Variants in CCND3 observed in about 807,000 individuals in gnomAD.
CCND3 encodes the protein cyclin D3.
In CCND3, 9 loss-of-function variants were observed where a neutral mutation model predicts 28.7. The observed-to-expected ratio is 0.31, with a 90% CI of 0.19 to 0.55. CCND3 has a LOEUF of 0.55. Among genes scored for constraint, CCND3 ranks in the 20% least tolerant of loss-of-function variants. The pLI is 0.93. For synonymous variants in CCND3, 164 were observed against 163.9 expected, an observed-to-expected ratio of 1.00 and a Z score of 0.00; for missense variants, 315 against 385.8, an observed-to-expected ratio of 0.82 and a Z score of 1.54.
At chr6:41,955,366 G>A (rs914661488) in intron 1 of CCND3, among the ~76,000 whole-genome samples, 1 of 151,950 alleles carries the variant, frequency 6.6e-6, no homozygotes, top group Non-Finnish European at 1.5e-5. Flanking sequence ...TAAGTTGACT[G>A]TATACCAAAG....
chr6:42,018,143 C>T (rs571665069), intron 1 of CCND3, among the ~76,000 whole-genome samples: 18 of 151,900 alleles, frequency 1.2e-4, no homozygotes, highest in East Asian at 3.9e-4. Context: ...AATGAGACTC[C>T]GTCTCTAAAT....
chr6:41,936,531 G>A lies in CCND3; in HGVS notation c.711+28C>T, dbSNP rs1775800859. ...CATAGCACTACTTTATGAATGGAGA[G>A]GCTGCTGCCCAGCTACCCAGCACTC... On this transcript the variant is annotated intron_variant, in intron 4 of 4. Transcript: ENST00000372991. The surrounding 1 kb of genome is among the most constrained non-coding windows in gnomAD (Gnocchi z 4.4). 1 of 1,612,570 alleles carries A rather than the reference G, an allele frequency of 6.2e-7. No individual in the cohort carries two copies.
intron 1 of CCND3, among the ~76,000 whole-genome samples, chr6:41,955,055 T>C (rs750946255): frequency 2.0e-5 from 3 of 152,208 alleles, no homozygotes; most frequent in Admixed American, 6.5e-5. Flanking sequence ...ACCCCTCAAG[T>C]TAAATATCTT....
chr6:42,001,701 A>G (rs899725909), intron 1 of CCND3, among the ~76,000 whole-genome samples: 5 of 151,862 alleles, frequency 3.3e-5, no homozygotes, highest in Admixed American at 6.6e-5. Flanking sequence ...GCACAGCAAG[A>G]CTCCATCTCA....
At chr6:42,004,288 G>A (rs192160635) in intron 1 of CCND3, among the ~76,000 whole-genome samples, 2 of 151,576 alleles carry the variant, frequency 1.3e-5, no homozygotes, top group East Asian at 1.9e-4. Context: ...TTAAATCTAT[G>A]GCAGAGGGTT....
intron 1 of CCND3, among the ~76,000 whole-genome samples, chr6:42,043,278 C>T (rs1764426811): frequency 6.6e-6 from 1 of 152,212 alleles, no homozygotes; most frequent in African/African-American, 2.4e-5. Context: ...TGGCTTACAC[C>T]TGTAATCCCA....
At chr6:41,957,025 C>T (rs527514091) in intron 1 of CCND3, among the ~76,000 whole-genome samples, 209 of 152,176 alleles carry the variant, frequency 1.4e-3, no homozygotes, top group African/African-American at 4.0e-3. Flanking sequence ...AATGAGACTC[C>T]GTCTCAAAAC....
intron 1 of CCND3, among the ~76,000 whole-genome samples, chr6:41,988,699 C>CTTTTTTTTTT (rs758582662): frequency 1.9e-4 from 18 of 96,730 alleles, no homozygotes; most frequent in African/African-American, 5.7e-4. Context: ...AACTTCTTTT[C>CTTTTTTTTTT]TTTTTTTTTT....
At chr6:42,049,469 T>C (rs1764663795), upstream of CCND3, among the ~76,000 whole-genome samples, 1 of 152,218 alleles carries the variant, frequency 6.6e-6, no homozygotes, top group Non-Finnish European at 1.5e-5. Flanking sequence ...CGAAGTACCA[T>C]AGCTGGCTAG....
intron 1 of CCND3, among the ~76,000 whole-genome samples, chr6:41,993,949 A>G (rs1280253991): frequency 2.1e-5 from 3 of 140,624 alleles, no homozygotes; most frequent in Non-Finnish European, 3.1e-5. Context: ...AAAAAAAAAA[A>G]AAAAAAAAAA....
At chr6:41,968,909 G>A (rs370631905) in intron 1 of CCND3, among the ~76,000 whole-genome samples, 3 of 152,130 alleles carry the variant, frequency 2.0e-5, no homozygotes, top group South Asian at 4.1e-4. Context: ...GGGTTCAAGC[G>A]ATTCTCCTGC....
chr6:41,997,367 G>C (rs1762839321), intron 1 of CCND3, among the ~76,000 whole-genome samples: 1 of 152,168 alleles, frequency 6.6e-6, no homozygotes, highest in African/African-American at 2.4e-5. Context: ...CTCAGGAACA[G>C]AGACTCAAGA....
intron 1 of CCND3, among the ~76,000 whole-genome samples, chr6:41,950,090 T>TAA (rs397697588): frequency 1.4e-4 from 20 of 138,746 alleles, no homozygotes; most frequent in African/African-American, 4.5e-4. Context: ...AGAGCAAGAT[T>TAA]AAAAAAAAAA....
intron 1 of CCND3, among the ~76,000 whole-genome samples, chr6:41,972,240 A>AAAG (rs1554162051): frequency 7.3e-4 from 73 of 99,760 alleles, no homozygotes; most frequent in Admixed American, 1.6e-3. Context: ...AAAAAAAAAA[A>AAAG]AAAAGAAAAG....
intron 1 of CCND3, among the ~76,000 whole-genome samples, chr6:41,954,569 AT>A (rs1241341131): frequency 2.4e-5 from 3 of 124,066 alleles, no homozygotes; most frequent in African/African-American, 5.7e-5. Flanking sequence ...AAAAAAAAAA[AT>A]TTTGTTTAGA....
chr6:42,042,427 C>G (rs1329690917), intron 1 of CCND3, among the ~76,000 whole-genome samples: 2 of 151,164 alleles, frequency 1.3e-5, no homozygotes, highest in East Asian at 3.9e-4. Context: ...ATGGCGCGAT[C>G]TCGGCTCACC....
At chr6:42,027,434 C>T (rs1763909115) in intron 1 of CCND3, among the ~76,000 whole-genome samples, 2 of 94,226 alleles carry the variant, frequency 2.1e-5, no homozygotes, top group South Asian at 4.3e-4. Flanking sequence ...AGCGAGGCTC[C>T]ATCTCAAAAA....
chr6:41,947,997 C>T (rs1036142456), intron 1 of CCND3, among the ~76,000 whole-genome samples: 12 of 152,090 alleles, frequency 7.9e-5, no homozygotes, highest in Admixed American at 7.2e-4. Flanking sequence ...TGGAACACAC[C>T]GGGCAGACAT....
At chr6:41,950,025 C>T (rs1776265119) in intron 1 of CCND3, among the ~76,000 whole-genome samples, 1 of 150,536 alleles carries the variant, frequency 6.6e-6, no homozygotes, top group African/African-American at 2.5e-5. Flanking sequence ...ATGGCGTGAA[C>T]CCGGGAAGCT....
Sources: allele counts gnomAD v4.1 joint callset (sites outside exome capture counted in the v4.1 genomes callset), GRCh38; gene constraint gnomAD v4.1.1; non-coding constraint Gnocchi (gnomAD v3.1); transcripts MANE v1.5; gene names NCBI Gene and HGNC (gene_info 2026-07-23, HGNC 2026-07-21).